TFR2: variants seen among roughly 807,000 people sequenced by gnomAD.
TFR2 encodes the protein transferrin receptor protein 2.
In TFR2, 64 loss-of-function variants were observed where a neutral mutation model predicts 91.9. The observed-to-expected ratio is 0.70, with a 90% CI of 0.57 to 0.86. The LOEUF (loss-of-function observed/expected upper bound fraction) is 0.86. TFR2 is among the 40% of genes least tolerant of loss of function. The probability of loss-of-function intolerance (pLI) is 0.00; values close to 1 mark genes in which losing one functional copy is unlikely to be tolerated. For missense variants in TFR2, 950 were observed against 1,080.5 expected, an observed-to-expected ratio of 0.88 and a Z score of 1.69; for synonymous variants, 454 against 459.6, an observed-to-expected ratio of 0.99 and a Z score of 0.15.
chr7:100,628,167 A>ACCC, intron 11 of TFR2, 31 bp from the exon 12 acceptor site: 1 of 1,608,132 alleles, frequency 6.2e-7, no homozygotes, highest in South Asian at 1.1e-5. Flanking sequence ...TGGAGTGGGA[A>ACCC]CCCCCCACCC....
At position 100,627,735 on chromosome 7, in the gene TFR2, C is replaced by T. The variant is rs41295906; in HGVS notation, c.1682+9G>A. 19 of 1,613,900 alleles carry T rather than the reference C, an allele frequency of 1.2e-5. No homozygotes were observed. In the African/African-American group the frequency reaches 1.3e-4, roughly 11 times the overall value. The stretch of plus-strand genomic sequence containing the variant: ...TCCCTCCCCAGCTCTCCCTACCCCC[C>T]CAACTTACACCTCAGCATCCCAGCT... On this transcript the variant is annotated intron_variant, in intron 14 of 17. Coordinates refer to ENST00000223051, the MANE Select transcript of TFR2 (RefSeq NM_003227.4).
intron 17 of TFR2, 100 bp downstream of exon 17, chr7:100,626,663 G>C (rs898682231): frequency 6.6e-7 from 1 of 1,509,040 alleles, no homozygotes; most frequent in Non-Finnish European, 8.8e-7. Context: ...CTGTGTAGGC[G>C]GGGAGAGAGA....
At chr7:100,633,614 G>C in intron 3 of TFR2, 58 bp from the exon 4 acceptor site, 1 of 1,553,568 alleles carries the variant, frequency 6.4e-7, no homozygotes, top group South Asian at 1.2e-5. Flanking sequence ...AGGGAAGAGG[G>C]AAGGATGCCA....
chr7:100,634,177 AACACACAC>A (rs3076877), intron 3 of TFR2, among the ~76,000 whole-genome samples: 398 of 132,800 alleles, frequency 3.0e-3, no homozygotes, highest in South Asian at 7.3e-3. Flanking sequence ...TCCCGACGTC[AACACACAC>A]ACACACACAC....
At position 100,627,888 on chromosome 7, in the gene TFR2, A is replaced by G. The variant is rs978913572; in HGVS notation, c.1605+19T>C. 3.7e-6 allele frequency: 6 copies of G among 1,613,858 alleles called. No homozygotes were observed. The African/African-American group carries it at 5.3e-5, about 14-fold the overall frequency. ...CGCAACCTACTCCCCTTCACCCCCT[A>G]TTCCTGGGGTGCTCTTGCCTGCTTC... On this transcript the variant is annotated intron_variant, in intron 13 of 17. Coordinates refer to ENST00000223051, the MANE Select transcript of TFR2 (RefSeq NM_003227.4).
intron 3 of TFR2, among the ~76,000 whole-genome samples, chr7:100,638,347 C>A (rs7385804): frequency 0.65 from 98,571 of 151,638 alleles, 32,338 homozygotes; most frequent in East Asian, 0.78. Flanking sequence ...TGCGGTACCT[C>A]ATTCCTATAA....
intron 8 of TFR2, 125 bp from the exon 9 acceptor site, chr7:100,631,177 C>T: frequency 1.7e-6 from 2 of 1,146,924 alleles, no homozygotes; most frequent in Non-Finnish European, 2.4e-6. Context: ...TGGACGCTGC[C>T]TGGGTAGGGC....
chr7:100,624,130 T>C (rs1017879480), intron 17 of TFR2, among the ~76,000 whole-genome samples: 1 of 152,040 alleles, frequency 6.6e-6, no homozygotes, highest in African/African-American at 2.4e-5. Flanking sequence ...CAAAAACCTC[T>C]CTAATTTCCT....
rs1335293144 is a variant in TFR2 at position 100,627,613 on chromosome 7, A to G, written c.1731T>C (p.Phe577=). The change falls in exon 15 of 18, where the codon TTT becomes TTC. Residue 577 remains phenylalanine (F), a synonymous_variant. Coordinates refer to ENST00000223051, the MANE Select transcript of TFR2 (RefSeq NM_003227.4). ...AGAACTCGACGGCAGGGACTCCCAC[A>G]AAGGCCGTGAAGGAATAGGCACTGC... is the stretch of plus-strand genomic sequence containing the variant. ...MDSSAYSFTA[F]VGVPAVEFSF... 1.2e-6 allele frequency: 2 copies of G among 1,614,036 alleles called. No homozygotes were observed. Among genetic ancestry groups the G allele is most frequent in the South Asian group, 1.1e-5 (1 of 91,090 alleles).
chr7:100,627,857 C>T (rs1395121124), intron 13 of TFR2, 37 bp from the exon 14 acceptor site: 2 of 1,613,978 alleles, frequency 1.2e-6, no homozygotes, highest in Non-Finnish European at 1.7e-6. Flanking sequence ...AGGCTCTGCT[C>T]CTCCCCGCAA....
intron 3 of TFR2, among the ~76,000 whole-genome samples, chr7:100,638,327 G>A (rs1248068861): frequency 6.6e-6 from 1 of 151,832 alleles, no homozygotes; most frequent in Non-Finnish European, 1.5e-5. Flanking sequence ...AAAGCCCTGA[G>A]CAGGCTGGGT....
intron 10 of TFR2, among the ~76,000 whole-genome samples, chr7:100,629,032 G>C (rs1195079376): frequency 6.6e-6 from 1 of 152,182 alleles, no homozygotes; most frequent in Non-Finnish European, 1.5e-5. Context: ...CAAAGTGCTG[G>C]GACTACAGGC....
At position 100,621,219 on chromosome 7, in the gene TFR2, TTTTGTTTG is replaced by T. The variant is rs553324630; in HGVS notation, c.2137-101_2137-94del. The T allele has an allele frequency of 5.8e-6, 8 of 1,375,626 alleles. No individual in the cohort carries two copies. In the African/African-American group the frequency reaches 1.2e-4, roughly 20 times the overall value. 85.2% of individuals were successfully genotyped at this position (1,375,626 alleles called of 1,614,324 possible). On this transcript the variant is annotated intron_variant, in intron 17 of 17. Coordinates refer to ENST00000223051, the MANE Select transcript of TFR2 (RefSeq NM_003227.4). The stretch of plus-strand genomic sequence containing the variant: ...TTCCCGCCAGCCAGTCTTTTTGTTT[TTTTGTTTG>T]TTTGTTTTCTTTTTGTGTTTGTTTT...
rs751280511 is a variant in TFR2, at chr7:100,631,886, C to T, written c.1026G>A (p.Gln342=). 2 of 1,613,978 alleles carry T rather than the reference C, an allele frequency of 1.2e-6. No homozygotes were observed. Among genetic ancestry groups the T allele is most frequent in the East Asian group, 2.2e-5 (1 of 44,820 alleles). ...GGCCTGATGATGCAACTGGAGGGAA[C>T]TGGGTTTGATTGAAGGAAGGGAAGC... ...TPGFPSFNQT[Q]FPPVASSGLP... is the part of the protein sequence containing the mutation. Residue 342 remains glutamine, a synonymous_variant, in exon 8 of 18, where the codon CAG becomes CAA. Transcript: ENST00000223051.
At chr7:100,626,717 G>A (rs960947423) in intron 17 of TFR2, 46 bp downstream of exon 17, 9 of 1,533,940 alleles carry the variant, frequency 5.9e-6, no homozygotes, top group Non-Finnish European at 7.9e-6. Context: ...GAGCCCCAGG[G>A]GAGGGGCGGG....
intron 3 of TFR2, among the ~76,000 whole-genome samples, chr7:100,637,330 C>T (rs916171955): frequency 6.6e-6 from 1 of 151,662 alleles, no homozygotes; most frequent in African/African-American, 2.4e-5. Flanking sequence ...ACCCGGGAGG[C>T]GGAGTTTGCA....
Position 100,632,177 on chromosome 7 carries a change from C to T in TFR2, c.871G>A (p.Gly291Arg), listed in dbSNP as rs373037160. 12 of 1,613,894 alleles carry T rather than the reference C, an allele frequency of 7.4e-6. No individual in the cohort carries two copies. Among genetic ancestry groups the T allele is most frequent in the South Asian group, 2.2e-5 (2 of 91,082 alleles). The change falls in exon 7 of 18, where the codon GGG (glycine) becomes AGG (arginine). Residue 291 changes from glycine to arginine, a missense_variant. Gly to Arg is a moderately radical substitution (Grantham distance 125). Transcript: ENST00000223051. ...AQKVTNAQDF[G>R]AQGVLIYPEP... ...GGGTATATGAGCACTCCTTGAGCCC[C>T]GAAGTCCTGAGCATTGGTCACCTGG...
intron 17 of TFR2, 147 bp from the exon 18 acceptor site, chr7:100,621,273 A>G: frequency 8.7e-7 from 1 of 1,152,896 alleles, no homozygotes; most frequent in South Asian, 1.7e-5. Context: ...GTTTGTTTTG[A>G]GACGGAGTCT....
intron 16 of TFR2, 76 bp from the exon 17 acceptor site, chr7:100,626,979 G>C: frequency 6.7e-7 from 1 of 1,488,900 alleles, no homozygotes; most frequent in African/African-American, 1.4e-5. Context: ...AAGGACCCCC[G>C]CCTAGCATGG....
Sources: allele counts gnomAD v4.1 joint callset (sites outside exome capture counted in the v4.1 genomes callset), GRCh38; gene constraint gnomAD v4.1.1; transcripts MANE v1.5; gene names NCBI Gene and HGNC (gene_info 2026-07-23, HGNC 2026-07-21).